The following MDN1 variants were observed in gnomAD, a reference collection of about 807,000 sequenced individuals.
The protein encoded by MDN1 is midasin.
MDN1 carries 266 observed loss-of-function variants against 669.2 expected under a neutral mutation model. The ratio of observed to expected loss-of-function variants is 0.40; its 90% CI spans 0.36 to 0.44. The LOEUF is 0.44. Among genes scored for constraint, MDN1 ranks in the 20% least tolerant of loss-of-function variants. The pLI, the probability that MDN1 is intolerant of heterozygous loss-of-function variation, is 1.00. For synonymous variants in MDN1, 2,385 were observed against 2,457.1 expected, an observed-to-expected ratio of 0.97 and a Z score of 0.87; for missense variants, 5,940 against 6,754.0, an observed-to-expected ratio of 0.88 and a Z score of 4.22.
chr6:89,793,988 C>T, intron 4 of MDN1, 34 bp from the exon 5 acceptor site: 1 of 1,554,920 alleles, frequency 6.4e-7, no homozygotes, highest in Non-Finnish European at 8.8e-7. Context: ...AATTACCTTA[C>T]CACTCAGAAA....
At chr6:89,801,649 C>CAA (rs142646455) in intron 2 of MDN1, among the ~76,000 whole-genome samples, 39 of 139,810 alleles carry the variant, frequency 2.8e-4, no homozygotes, top group East Asian at 6.0e-4. Flanking sequence ...GACTCCGTCT[C>CAA]AAAAAAAAAA....
At chr6:89,789,351 C>T (rs1016795049) in intron 7 of MDN1, among the ~76,000 whole-genome samples, 3 of 152,180 alleles carry the variant, frequency 2.0e-5, no homozygotes, top group African/African-American at 7.2e-5. Context: ...ACTCTTATTA[C>T]ATCATCTCCT....
At chr6:89,817,683 G>T (rs1768932581) in intron 1 of MDN1, among the ~76,000 whole-genome samples, 1 of 152,192 alleles carries the variant, frequency 6.6e-6, no homozygotes, top group African/African-American at 2.4e-5. Context: ...TTAACAACGG[G>T]AGGTGACTCC....
intron 68 of MDN1, 148 bp from the exon 69 acceptor site, chr6:89,687,171 G>T: frequency 7.7e-7 from 1 of 1,292,920 alleles, no homozygotes; most frequent in Non-Finnish European, 1.1e-6. Context: ...AATATATGCT[G>T]TTGTCTGGAC....
rs561472411 is a variant in MDN1 at position 89,730,455 on chromosome 6, A to T, written c.5140+271T>A. Among the ~76,000 whole-genome samples the T allele has an allele frequency of 3.4e-3, 518 of 152,344 alleles. 2 individuals are homozygous for T. Among genetic ancestry groups the T allele is most frequent in the South Asian group, 6.6e-3 (32 of 4,830 alleles). On this transcript the variant is annotated intron_variant, in intron 35 of 101. Transcript: ENST00000369393. ...GTAGAGTTTAGAGCTTTACTATAGG[A>T]AAGTTCCTAATGTGGGAACCAACTA...
chr6:89,783,804 G>A (rs1818805881), intron 9 of MDN1, among the ~76,000 whole-genome samples: 1 of 152,004 alleles, frequency 6.6e-6, no homozygotes, highest in Non-Finnish European at 1.5e-5. Flanking sequence ...CAACACTTAT[G>A]GAAAATAGAA....
At position 89,749,355 on chromosome 6, in the gene MDN1, G is replaced by A. The variant is rs1816834282; in HGVS notation, c.3630C>T (p.Ala1210=). The change falls in exon 26 of 102, where the codon GCC becomes GCT. Residue 1210 remains alanine, a synonymous_variant. Transcript: ENST00000369393. ...LYGGRKVLSR[A]FRNRFVELHF... ...GCAATTCCACAAACCGATTCCTGAA[G>A]GCTCTAGAAAGGACCTAGACAAAGC... The A allele has an allele frequency of 1.2e-6, 2 of 1,613,970 alleles. No individual in the cohort carries two copies. Among genetic ancestry groups the A allele is most frequent in the Non-Finnish European group, 1.7e-6 (2 of 1,180,020 alleles).
intron 29 of MDN1, among the ~76,000 whole-genome samples, chr6:89,744,034 C>T (rs1429310363): frequency 1.4e-5 from 2 of 138,780 alleles, no homozygotes; most frequent in Admixed American, 7.6e-5. Flanking sequence ...ACCTGGGAGG[C>T]GGAGGTTGTG....
At chr6:89,811,559 C>T (rs748434171) in intron 1 of MDN1, among the ~76,000 whole-genome samples, 9 of 152,090 alleles carry the variant, frequency 5.9e-5, no homozygotes, top group Non-Finnish European at 1.3e-4. Context: ...AATTCTCCTG[C>T]CACAGCCTCC....
At chr6:89,707,822 G>A (rs1813622703) in intron 51 of MDN1, among the ~76,000 whole-genome samples, 1 of 152,136 alleles carries the variant, frequency 6.6e-6, no homozygotes, top group Non-Finnish European at 1.5e-5. Flanking sequence ...CACCCTCTGA[G>A]GTACACACTA....
At chr6:89,700,552 C>T in intron 56 of MDN1, 94 bp downstream of exon 56, 3 of 1,316,038 alleles carry the variant, frequency 2.3e-6, no homozygotes, top group Admixed American at 4.0e-5. Flanking sequence ...TCACATCACC[C>T]AGAAAAGAAA....
rs1039192712 is a variant in MDN1, at chr6:89,744,119, A to AC, written c.4179-406_4179-405insG. ...ATGCCTTCTTAAAAAAAAAAAAAAAAAAAAAAAAAAAACCACCACCAAGAG... is the reference window on the plus strand; with the variant it reads ...ATGCCTTCTTAAAAAAAAAAAAAAAACAAAAAAAAAAAACCACCACCAAGAG... On this transcript the variant is annotated intron_variant, in intron 29 of 101. Coordinates refer to ENST00000369393, the MANE Select transcript of MDN1 (RefSeq NM_014611.3). Among the ~76,000 whole-genome samples the AC allele has an allele frequency of 8.9e-5, 13 of 146,406 alleles. 1 individual carries two copies. Among genetic ancestry groups the AC allele is most frequent in the South Asian group, 2.3e-4 (1 of 4,268 alleles).
In MDN1 at chr6:89,689,739, G is replaced by C. The variant is rs1008188025; in HGVS notation, c.11023+131C>G. The stretch of plus-strand genomic sequence containing the variant: ...TCTTGAATCAGCTTCAGTTCTTTAA[G>C]CCAAGGAAACTCCAATAAGGAATTA... On this transcript the variant is annotated intron_variant, in intron 65 of 101. Coordinates refer to ENST00000369393, the MANE Select transcript of MDN1 (RefSeq NM_014611.3). 4.4e-6 allele frequency: 5 copies of C among 1,132,410 alleles called. No individual in the cohort carries two copies. In the South Asian group the frequency reaches 8.5e-5, roughly 19 times the overall value. The allele number at this position is 1,132,410 out of a possible 1,614,324, so 70.1% of individuals were successfully genotyped here.
intron 9 of MDN1, among the ~76,000 whole-genome samples, chr6:89,782,210 T>G (rs1818708634): frequency 6.6e-6 from 1 of 152,094 alleles, no homozygotes; most frequent in Non-Finnish European, 1.5e-5. Context: ...AGCAACCAAC[T>G]CTAAAGAATT....
chr6:89,713,618 T>C (rs1194444999), intron 46 of MDN1, among the ~76,000 whole-genome samples: 1 of 152,174 alleles, frequency 6.6e-6, no homozygotes, highest in Admixed American at 6.5e-5. Flanking sequence ...GAGTGTAACC[T>C]CATAAAAGAC....
At chr6:89,691,698 T>C (rs1263188525) in intron 63 of MDN1, among the ~76,000 whole-genome samples, 2 of 152,116 alleles carry the variant, frequency 1.3e-5, no homozygotes, top group African/African-American at 4.8e-5. Context: ...AACAGGAAAA[T>C]AATCACTATA....
Position 89,744,047 on chromosome 6 carries a change from GAGCCGAGATCACGCCATTGCAGTCC to G in MDN1, c.4179-358_4179-334del, listed in dbSNP as rs1443396752. On this transcript the variant is annotated intron_variant, in intron 29 of 101. Transcript: ENST00000369393. ...GAACCTGGGAGGCGGAGGTTGTGGT[GAGCCGAGATCACGCCATTGCAGTCC>G]AGCCTGGGTAACAAGAGCGGAATGC... Among the ~76,000 whole-genome samples the G allele has an allele frequency of 2.0e-5, 3 of 148,838 alleles. No individual in the cohort carries two copies. The East Asian group carries it at 6.0e-4, about 30-fold the overall frequency.
intron 44 of MDN1, 47 bp from the exon 45 acceptor site, chr6:89,715,816 G>A (rs2128312600): frequency 7.9e-7 from 1 of 1,265,498 alleles, no homozygotes; most frequent in South Asian, 1.2e-5. Context: ...ATGCTGCATT[G>A]ACTCTTCTTT....
At chr6:89,701,229 G>A (rs943316270) in intron 55 of MDN1, among the ~76,000 whole-genome samples, 5 of 152,144 alleles carry the variant, frequency 3.3e-5, no homozygotes, top group African/African-American at 1.2e-4. Context: ...TTTTTATCTT[G>A]TCATTATTAC....
Sources: allele counts gnomAD v4.1 joint callset (sites outside exome capture counted in the v4.1 genomes callset), GRCh38; gene constraint gnomAD v4.1.1; transcripts MANE v1.5; gene names NCBI Gene and HGNC (gene_info 2026-07-23, HGNC 2026-07-21).